Variants in GOLGA5 observed in about 807,000 individuals in gnomAD.
GOLGA5 encodes the protein golgin subfamily A member 5.
A neutral mutation model predicts 93.5 loss-of-function variants in GOLGA5; 50 were observed. The ratio of observed to expected loss-of-function variants is 0.53; its 90% CI spans 0.43 to 0.68. GOLGA5 has a LOEUF of 0.68. GOLGA5 is among the 30% of genes least tolerant of loss of function. The pLI is 0.00. For missense variants in GOLGA5, 760 were observed against 856.4 expected (o/e 0.89, Z 1.40); for synonymous variants, 312 against 304.5 (o/e 1.02, Z -0.26).
chr14:92,805,807 T>C (rs1595592130), intron 2 of GOLGA5, among the ~76,000 whole-genome samples: 3 of 152,192 alleles, frequency 2.0e-5, no homozygotes, highest in African/African-American at 7.2e-5. Flanking sequence ...TTTACCCATA[T>C]ACTGATTGTT....
chr14:92,824,032 A>G (rs987645327), intron 8 of GOLGA5, among the ~76,000 whole-genome samples: 1 of 152,000 alleles, frequency 6.6e-6, no homozygotes, highest in African/African-American at 2.4e-5. Context: ...ATATAAAACT[A>G]TTGATTTTTA....
Position 92,834,453 on chromosome 14 carries a change from G to A in GOLGA5, c.1945+1106G>A, listed in dbSNP as rs75420503. Among the ~76,000 whole-genome samples the A allele has an allele frequency of 4.2e-3, 631 of 151,968 alleles. 15 individuals carry two copies. The highest frequency in any genetic ancestry group is 3.1e-3 in the East Asian group (16 of 5,168). On this transcript the variant is annotated intron_variant, in intron 10 of 12. Transcript: ENST00000163416. ...TCCCACCTATGAGTGAGAACATACG[G>A]TGAAAAGTGTCACTTCTTTAAAGTC...
chr14:92,796,088 T>G (rs1242305598), intron 1 of GOLGA5, among the ~76,000 whole-genome samples: 1 of 152,270 alleles, frequency 6.6e-6, no homozygotes, highest in African/African-American at 2.4e-5. Flanking sequence ...GTATTGAGTA[T>G]GTGAATTATT....
At chr14:92,805,334 TTC>T (rs1016294147) in intron 2 of GOLGA5, among the ~76,000 whole-genome samples, 1 of 152,186 alleles carries the variant, frequency 6.6e-6, no homozygotes, top group Admixed American at 6.5e-5. Context: ...TCTTTTTTTA[TTC>T]TGTTTTATTA....
intron 2 of GOLGA5, among the ~76,000 whole-genome samples, chr14:92,805,104 A>G (rs1884957120): frequency 6.6e-6 from 1 of 152,148 alleles, no homozygotes; most frequent in East Asian, 1.9e-4. Context: ...TGTAACCCAC[A>G]CCTTTACCGT....
intron 2 of GOLGA5, among the ~76,000 whole-genome samples, chr14:92,805,388 C>G (rs865781012): frequency 1.3e-5 from 2 of 152,020 alleles, no homozygotes; most frequent in African/African-American, 4.8e-5. Flanking sequence ...TTTATCTATT[C>G]TCTTTTATGG....
intron 2 of GOLGA5, among the ~76,000 whole-genome samples, chr14:92,802,064 ACT>A (rs1209127661): frequency 6.6e-6 from 1 of 151,908 alleles, no homozygotes; most frequent in African/African-American, 2.4e-5. Context: ...TTTCACAGAA[ACT>A]CTGTTGGTCT....
At chr14:92,796,619 TTAAA>T (rs1267111686) in intron 1 of GOLGA5, among the ~76,000 whole-genome samples, 2 of 152,102 alleles carry the variant, frequency 1.3e-5, no homozygotes, top group East Asian at 1.9e-4. Flanking sequence ...GGGTTAGGAC[TTAAA>T]TAAAGGAATT....
chr14:92,818,099 G>T (rs968549448), intron 7 of GOLGA5, among the ~76,000 whole-genome samples: 1 of 151,916 alleles, frequency 6.6e-6, no homozygotes. Context: ...ACTCATATCT[G>T]TTCATGTCTT....
At chr14:92,837,531 A>G (rs1192239788) in intron 12 of GOLGA5, 82 bp downstream of exon 12, 2 of 723,754 alleles carry the variant, frequency 2.8e-6, no homozygotes, top group Non-Finnish European at 4.9e-6. Flanking sequence ...TGTTTTGGCT[A>G]CAGATCTTAT....
chr14:92,818,174 C>A (rs1885247344), intron 7 of GOLGA5, among the ~76,000 whole-genome samples: 1 of 152,030 alleles, frequency 6.6e-6, no homozygotes, highest in African/African-American at 2.4e-5. Flanking sequence ...GACATTGACC[C>A]ATTTTCTTAC....
chr14:92,837,380 G>A lies in GOLGA5; in HGVS notation c.2052-6G>A, dbSNP rs1327201154. The A allele has an allele frequency of 2.0e-6, 3 of 1,486,546 alleles. No homozygotes were observed. Among genetic ancestry groups the A allele is most frequent in the South Asian group, 2.3e-5 (2 of 87,484 alleles). 92.1% of individuals were successfully genotyped at this position (1,486,546 alleles called of 1,614,324 possible). A position where few individuals can be genotyped will look rare whatever the true frequency, so the allele number is the denominator to read the frequency against. ...TCCTCTCCCCCTCACACCTGTGTCT[G>A]CACAGTATTCGCCTGGGAATTTTTC... On this transcript the variant is annotated splice_polypyrimidine_tract_variant and splice_region_variant and intron_variant, in intron 11 of 12. Coordinates refer to ENST00000163416, the MANE Select transcript of GOLGA5 (RefSeq NM_005113.4).
At chr14:92,809,221 C>G in intron 3 of GOLGA5, 79 bp from the exon 4 acceptor site, 1 of 928,292 alleles carries the variant, frequency 1.1e-6, no homozygotes, top group Middle Eastern at 2.6e-4. Flanking sequence ...ACTAAAGGCA[C>G]TCAAAGTAGA....
chr14:92,836,001 C>G (rs1885634213), intron 11 of GOLGA5, among the ~76,000 whole-genome samples: 1 of 151,744 alleles, frequency 6.6e-6, no homozygotes. Context: ...ATTGAGAAAG[C>G]CTCTACTTCA....
chr14:92,805,179 T>C (rs1014017103), intron 2 of GOLGA5, among the ~76,000 whole-genome samples: 5 of 151,142 alleles, frequency 3.3e-5, no homozygotes, highest in Admixed American at 6.6e-5. Flanking sequence ...CCTCACCCCG[T>C]CCCTGAAAGC....
intron 8 of GOLGA5, among the ~76,000 whole-genome samples, chr14:92,823,672 C>A (rs956066201): frequency 6.6e-6 from 1 of 152,094 alleles, no homozygotes; most frequent in East Asian, 1.9e-4. Context: ...ACTTCAGCCT[C>A]CCCAAGTGCT....
intron 10 of GOLGA5, among the ~76,000 whole-genome samples, chr14:92,834,137 A>G (rs1772386418): frequency 6.6e-6 from 1 of 151,084 alleles, no homozygotes; most frequent in South Asian, 2.1e-4. Context: ...TCCTGACCAT[A>G]ACTTCTGTGA....
intron 6 of GOLGA5, among the ~76,000 whole-genome samples, chr14:92,812,022 T>G (rs1336907632): frequency 1.3e-5 from 2 of 152,232 alleles, no homozygotes; most frequent in Non-Finnish European, 2.9e-5. Context: ...TTAATGCTTG[T>G]TGTTGAGCAG....
chr14:92,830,899 C>T (rs2140334106), intron 9 of GOLGA5, among the ~76,000 whole-genome samples: 1 of 152,310 alleles, frequency 6.6e-6, no homozygotes, highest in South Asian at 2.1e-4. Context: ...CACACCTGGC[C>T]TAAATATAAC....
Sources: gnomAD v4.1 joint callset for allele counts (sites outside exome capture counted in the v4.1 genomes callset) on GRCh38, gnomAD v4.1.1 for gene constraint, MANE v1.5 for transcripts, NCBI Gene and HGNC (gene_info 2026-07-23, HGNC 2026-07-21) for gene names.